The following CENPN variants were observed in gnomAD, a reference collection of about 807,000 sequenced individuals.
CENPN encodes the protein interphase centromere complex protein 32.
A neutral mutation model predicts 48.6 loss-of-function variants in CENPN; 36 were observed. The observed-to-expected ratio is 0.74, with a 90% CI of 0.57 to 0.98. CENPN has a LOEUF of 0.98. Ranked by LOEUF, CENPN falls within the 50% of genes least tolerant of loss-of-function variation. CENPN has a pLI of 0.00. For missense variants in CENPN, 439 were observed against 399.2 expected (o/e 1.10, Z -0.85); for synonymous variants, 166 against 135.2 (o/e 1.23, Z -1.58).
Position 81,012,048 on chromosome 16 carries a change from C to G in CENPN, c.109C>G (p.Gln37Glu). The G allele has an allele frequency of 6.2e-7, 1 of 1,614,106 alleles. No homozygotes were observed. Among genetic ancestry groups the G allele is most frequent in the Non-Finnish European group, 8.5e-7 (1 of 1,179,982 alleles). Residue 37 changes from glutamine (Q) to glutamate (E), a missense_variant, in exon 2 of 11, where the codon CAG (glutamine) becomes GAG (glutamate). Gln to Glu is a conservative substitution (Grantham distance 29). Transcript: ENST00000305850. ...GGATTTTTTGTCTGAAAATCAACTG[C>G]AGACTGTAAATTTCCGACAGAGAAA... is the stretch of plus-strand genomic sequence containing the variant. ...AWDFLSENQL[Q>E]TVNFRQRKES...
chr16:81,027,848 G>C (rs1210798288), intron 9 of CENPN, among the ~76,000 whole-genome samples: 1 of 152,150 alleles, frequency 6.6e-6, no homozygotes, highest in Non-Finnish European at 1.5e-5. Flanking sequence ...GGAATTACAG[G>C]TGCCCACCAC....
At chr16:81,020,038 A>T in intron 5 of CENPN, 62 bp from the exon 6 acceptor site, 1 of 1,462,334 alleles carries the variant, frequency 6.8e-7, no homozygotes, top group African/African-American at 1.4e-5. Context: ...AAGCACCTGG[A>T]GTTGGTGCCA....
At chr16:81,024,499 A>G in intron 7 of CENPN, 1 of 393,920 alleles carries the variant, frequency 2.5e-6, no homozygotes, top group Admixed American at 4.1e-5. Flanking sequence ...TCTATGATAA[A>G]GCACAGAGCT....
Position 81,014,118 on chromosome 16 carries a change from A to C in CENPN, c.172-18A>C. On this transcript the variant is annotated intron_variant, in intron 2 of 10. Coordinates refer to ENST00000305850, the MANE Select transcript of CENPN (RefSeq NM_001100624.3). The stretch of plus-strand genomic sequence containing the variant: ...AACCTATAACCACAGTTACTAAATA[A>C]TTTGTTTTCTCTTTTAGGAAAAGCG... The C allele has an allele frequency of 6.2e-7, 1 of 1,610,032 alleles. No individual in the cohort carries two copies. The highest frequency in any genetic ancestry group is 2.2e-5 in the East Asian group (1 of 44,852).
intron 5 of CENPN, among the ~76,000 whole-genome samples, chr16:81,018,416 T>A (rs949262151): frequency 6.6e-6 from 1 of 152,042 alleles, no homozygotes; most frequent in African/African-American, 2.4e-5. Flanking sequence ...TCAGATGATC[T>A]GCCTGCCTCG....
intron 5 of CENPN, among the ~76,000 whole-genome samples, chr16:81,018,585 T>C (rs1229353599): frequency 1.3e-5 from 2 of 152,184 alleles, no homozygotes; most frequent in Non-Finnish European, 2.9e-5. Flanking sequence ...ATTTTACAGA[T>C]GTTTTTGCTT....
In CENPN at chr16:81,017,337, C is replaced by T; in HGVS notation, c.229C>T (p.His77Tyr). The change falls in exon 4 of 11, where the codon CAT becomes TAT. Residue 77 changes from histidine (H) to tyrosine (Y), a missense_variant. Transcript: ENST00000305850. Reference sequence around the variant, plus strand: ...CTTCCCTCTCTCAGATATGCAATTTCATCAGCACCAGAAAGTTTGGGAAGT... The same window carrying T: ...CTTCCCTCTCTCAGATATGCAATTTTATCAGCACCAGAAAGTTTGGGAAGT... ...ALLDIIYMQF[H>Y]QHQKVWEVFQ... 6.3e-7 allele frequency: 1 copy of T among 1,596,796 alleles called. No homozygotes were observed. The highest frequency in any genetic ancestry group is 8.6e-7 in the Non-Finnish European group (1 of 1,164,844).
intron 8 of CENPN, 76 bp downstream of exon 8, chr16:81,024,854 G>T: frequency 1.1e-6 from 1 of 896,642 alleles, no homozygotes. Context: ...TTGGTAAAAC[G>T]TGTATAGTAG....
chr16:81,027,701 A>ATGTTT (rs1970572230), intron 9 of CENPN, among the ~76,000 whole-genome samples: 2 of 151,976 alleles, frequency 1.3e-5, no homozygotes, highest in East Asian at 1.9e-4. Flanking sequence ...GTTGCCCTCT[A>ATGTTT]TGTTTTGTTT....
intron 7 of CENPN, 191 bp downstream of exon 7, chr16:81,022,889 T>C: frequency 1.9e-6 from 3 of 1,605,934 alleles, no homozygotes; most frequent in Non-Finnish European, 2.5e-6. Context: ...TTTATAATTG[T>C]ATTGTGTTTT....
In CENPN at chr16:81,020,220, C is replaced by T; in HGVS notation, c.475C>T (p.Pro159Ser). Residue 159 changes from proline to serine, a missense_variant, in exon 6 of 11, where the codon CCG becomes TCG. By Grantham distance (74) the Pro-to-Ser change is moderately conservative. Transcript: ENST00000305850. Reference sequence around the variant, plus strand: ...CTACGTGGTGTACTACTCCCAGACTCCGTACGCCTTCACGTCCTCCTCCAT... The same window carrying T: ...CTACGTGGTGTACTACTCCCAGACTTCGTACGCCTTCACGTCCTCCTCCAT... ...PTYVVYYSQT[P>S]YAFTSSSMLR... is the part of the protein sequence containing the mutation. The T allele has an allele frequency of 6.2e-7, 1 of 1,614,106 alleles. No individual in the cohort carries two copies. The highest frequency in any genetic ancestry group is 1.7e-5 in the Admixed American group (1 of 59,996).
At chr16:81,019,180 T>C (rs755185080) in intron 5 of CENPN, among the ~76,000 whole-genome samples, 1 of 152,284 alleles carries the variant, frequency 6.6e-6, no homozygotes, top group East Asian at 1.9e-4. Flanking sequence ...AAGCCCATTA[T>C]GACATAGAAA....
chr16:81,020,566 A>T, intron 6 of CENPN: 1 of 255,846 alleles, frequency 3.9e-6, no homozygotes, highest in East Asian at 7.7e-5. Flanking sequence ...AATAAGAAAC[A>T]GAGTGTTGTT....
At chr16:81,019,059 G>C (rs772981249) in intron 5 of CENPN, among the ~76,000 whole-genome samples, 5 of 152,164 alleles carry the variant, frequency 3.3e-5, no homozygotes, top group Non-Finnish European at 7.3e-5. Context: ...TAGTACCTCT[G>C]GTCTTGCCAT....
In CENPN at chr16:81,031,297, A is replaced by G. The variant is rs1970764208; in HGVS notation, c.*2646A>G. The G allele has an allele frequency of 6.6e-6, 1 of 152,150 alleles. No homozygotes were observed. The highest frequency in any genetic ancestry group is 6.5e-5 in the Admixed American group (1 of 15,276). 9.4% of individuals were successfully genotyped at this position (152,150 alleles called of 1,614,324 possible). On this transcript the variant is annotated 3_prime_UTR_variant, in exon 11 of 11. Transcript: ENST00000305850. ...CAACTCCTCAACAGCACCAACCAATAAACTATGGATTTTTGTACTAAGCCA... is the reference window on the plus strand; with the variant it reads ...CAACTCCTCAACAGCACCAACCAATGAACTATGGATTTTTGTACTAAGCCA...
intron 5 of CENPN, among the ~76,000 whole-genome samples, chr16:81,018,664 G>C (rs1312633990): frequency 1.3e-5 from 2 of 152,220 alleles, no homozygotes; most frequent in African/African-American, 4.8e-5. Flanking sequence ...GAGGCCCACT[G>C]AGCATGTGAC....
chr16:81,022,966 G>T (rs143058224), intron 7 of CENPN: 2 of 1,270,054 alleles, frequency 1.6e-6, no homozygotes, highest in Non-Finnish European at 2.1e-6. Flanking sequence ...GATCACACTA[G>T]AATTTGTTTT....
rs557060457 is a variant in CENPN at position 81,018,592 on chromosome 16, G to C, written c.354+758G>C. 2.0e-5 allele frequency among the ~76,000 whole-genome samples: 3 copies of C among 152,204 alleles called. No individual in the cohort carries two copies. In the South Asian group the frequency reaches 6.2e-4, roughly 32 times the overall value. The stretch of plus-strand genomic sequence containing the variant: ...CACCCTTGATTTTACAGATGTTTTT[G>C]CTTTTTTAATGTAAAACAAAGAAGC... On this transcript the variant is annotated intron_variant, in intron 5 of 10. Transcript: ENST00000305850.
chr16:81,025,990 A>T (rs905412201), intron 8 of CENPN, among the ~76,000 whole-genome samples: 1 of 150,820 alleles, frequency 6.6e-6, no homozygotes, highest in Non-Finnish European at 1.5e-5. Flanking sequence ...GGTGTGAGCC[A>T]CCGTGCCCAG....
Sources: allele counts gnomAD v4.1 joint callset (sites outside exome capture counted in the v4.1 genomes callset), GRCh38; gene constraint gnomAD v4.1.1; transcripts MANE v1.5; gene names NCBI Gene and HGNC (gene_info 2026-07-23, HGNC 2026-07-21).